PDE11A: variants seen among roughly 807,000 people sequenced by gnomAD.
PDE11A encodes the protein dual 3',5'-cyclic-AMP and -GMP phosphodiesterase 11A.
A neutral mutation model predicts 100.5 loss-of-function variants in PDE11A; 100 were observed. The ratio of observed to expected loss-of-function variants is 1.00; its 90% CI spans 0.85 to 1.18. PDE11A has a LOEUF of 1.18. Ranked by LOEUF, PDE11A falls within the 50% of genes most tolerant of loss-of-function variation. The probability of loss-of-function intolerance (pLI) is 0.00; values close to 1 mark genes in which losing one functional copy is unlikely to be tolerated. For missense variants in PDE11A, 1,141 were observed against 1,152.6 expected, an observed-to-expected ratio of 0.99 and a Z score of 0.15; for synonymous variants, 381 against 420.8, an observed-to-expected ratio of 0.91 and a Z score of 1.16.
At chr2:177,713,452 C>T (rs1239108568) in intron 12 of PDE11A, among the ~76,000 whole-genome samples, 4 of 151,998 alleles carry the variant, frequency 2.6e-5, no homozygotes, top group South Asian at 2.1e-4. Flanking sequence ...CGGCCAGGCA[C>T]GGTGGCTCAA....
chr2:177,997,668 T>C lies in PDE11A; in HGVS notation c.1071+16634A>G, dbSNP rs2086093753. On this transcript the variant is annotated intron_variant, in intron 2 of 19. Transcript: ENST00000286063. ...GCCTGATTTTGAAATCTTTGAGTTT[T>C]TCTGCATTCAGTTTGGCTGTTAAGA... is the stretch of plus-strand genomic sequence containing the variant. 2.6e-6 allele frequency: 4 copies of C among 1,548,758 alleles called. No individual in the cohort carries two copies. In the Admixed American group the frequency reaches 5.0e-5, roughly 19 times the overall value.
At chr2:178,088,912 C>T (rs2087388880) in intron 2 of PDE11A, among the ~76,000 whole-genome samples, 1 of 152,210 alleles carries the variant, frequency 6.6e-6, no homozygotes, top group Non-Finnish European at 1.5e-5. Context: ...AACAACTTGA[C>T]AACTGTAAAG....
intron 1 of PDE11A, among the ~76,000 whole-genome samples, chr2:178,033,574 G>T (rs1290870404): frequency 6.6e-6 from 1 of 152,070 alleles, no homozygotes; most frequent in Non-Finnish European, 1.5e-5. Context: ...TCCTCAAGAA[G>T]AGCAACCCCA....
intron 4 of PDE11A, among the ~76,000 whole-genome samples, chr2:177,895,228 C>T (rs542697743): frequency 6.6e-6 from 1 of 152,088 alleles, no homozygotes; most frequent in Non-Finnish European, 1.5e-5. Context: ...ACAAAATACA[C>T]AAGGTAACAG....
chr2:177,664,282 G>A (rs1415136692), intron 18 of PDE11A, among the ~76,000 whole-genome samples: 3 of 152,144 alleles, frequency 2.0e-5, no homozygotes, highest in Non-Finnish European at 4.4e-5. Flanking sequence ...AAAGGAATAT[G>A]TTTTACTGCC....
intron 2 of PDE11A, among the ~76,000 whole-genome samples, chr2:178,102,456 T>C (rs376409242): frequency 2.0e-5 from 2 of 99,900 alleles, no homozygotes; most frequent in Non-Finnish European, 4.1e-5. Flanking sequence ...TTTTTTTTTT[T>C]AGAGATGGGG....
chr2:177,765,622 C>G (rs1047740887), intron 10 of PDE11A, among the ~76,000 whole-genome samples: 1 of 152,182 alleles, frequency 6.6e-6, no homozygotes, highest in African/African-American at 2.4e-5. Context: ...AGCACACTGA[C>G]CCATTCTATC....
chr2:177,854,665 C>T (rs1264441519), intron 5 of PDE11A, among the ~76,000 whole-genome samples: 1 of 152,012 alleles, frequency 6.6e-6, no homozygotes, highest in East Asian at 1.9e-4. Flanking sequence ...TATTTTTTAG[C>T]GAAAGGCGGC....
chr2:177,685,190 C>T (rs1443176978), intron 15 of PDE11A, among the ~76,000 whole-genome samples: 1 of 152,160 alleles, frequency 6.6e-6, no homozygotes, highest in African/African-American at 2.4e-5. Flanking sequence ...TCTTAGAAAG[C>T]TAATCATTAA....
chr2:177,808,022 C>G (rs2082898847), intron 9 of PDE11A, among the ~76,000 whole-genome samples: 1 of 151,968 alleles, frequency 6.6e-6, no homozygotes, highest in South Asian at 2.1e-4. Flanking sequence ...TTAGAAAATA[C>G]TTTAAGGAAA....
intron 10 of PDE11A, among the ~76,000 whole-genome samples, chr2:177,750,708 G>C (rs1223347510): frequency 1.3e-5 from 2 of 152,208 alleles, no homozygotes; most frequent in Non-Finnish European, 2.9e-5. Context: ...ATGCCCACAA[G>C]GGTATAAAGT....
intron 1 of PDE11A, among the ~76,000 whole-genome samples, chr2:178,045,820 A>G (rs1377617843): frequency 3.3e-5 from 5 of 152,246 alleles, no homozygotes; most frequent in African/African-American, 1.2e-4. Flanking sequence ...GTGAATGGCT[A>G]AAACAGCTTC....
intron 13 of PDE11A, among the ~76,000 whole-genome samples, chr2:177,708,200 A>G (rs2081308114): frequency 1.3e-5 from 2 of 150,494 alleles, no homozygotes; most frequent in African/African-American, 2.5e-5. Flanking sequence ...TATTCACAAT[A>G]GCAAAGACAT....
At chr2:177,677,153 T>C (rs567315450) in intron 16 of PDE11A, among the ~76,000 whole-genome samples, 1 of 152,388 alleles carries the variant, frequency 6.6e-6, no homozygotes, top group East Asian at 1.9e-4. Flanking sequence ...AAATGCATAT[T>C]GCCATTAATC....
At chr2:178,103,715 A>T (rs2087586443) in intron 2 of PDE11A, among the ~76,000 whole-genome samples, 1 of 151,828 alleles carries the variant, frequency 6.6e-6, no homozygotes, top group African/African-American at 2.4e-5. Context: ...AAAACCATAT[A>T]TATATTTAAC....
At chr2:177,792,677 A>T (rs2082649556) in intron 9 of PDE11A, among the ~76,000 whole-genome samples, 1 of 152,156 alleles carries the variant, frequency 6.6e-6, no homozygotes, top group African/African-American at 2.4e-5. Flanking sequence ...GTCACCATGG[A>T]TGAAATAAAA....
intron 15 of PDE11A, among the ~76,000 whole-genome samples, chr2:177,682,273 G>A (rs1413228144): frequency 6.6e-6 from 1 of 152,148 alleles, no homozygotes; most frequent in African/African-American, 2.4e-5. Context: ...TTTCCTGACT[G>A]AACCAGTACA....
chr2:178,065,786 T>C (rs2087035300), intron 1 of PDE11A, among the ~76,000 whole-genome samples: 1 of 152,152 alleles, frequency 6.6e-6, no homozygotes, highest in Non-Finnish European at 1.5e-5. Context: ...ACCATATCTA[T>C]CAGCACTGGC....
At chr2:178,002,302 T>C (rs2086155061) in intron 2 of PDE11A, among the ~76,000 whole-genome samples, 1 of 152,250 alleles carries the variant, frequency 6.6e-6, no homozygotes, top group African/African-American at 2.4e-5. Flanking sequence ...CACATTTTCT[T>C]TATCTAATCC....
Sources: allele counts gnomAD v4.1 joint callset (sites outside exome capture counted in the v4.1 genomes callset), GRCh38; gene constraint gnomAD v4.1.1; transcripts MANE v1.5; gene names NCBI Gene and HGNC (gene_info 2026-07-23, HGNC 2026-07-21).